Variants in TG observed in about 807,000 individuals in gnomAD.
TG encodes the protein thyroid hormones.
In TG, 270 loss-of-function variants were observed where a neutral mutation model predicts 324.7. That is an observed-to-expected ratio of 0.83 (90% confidence interval 0.75 to 0.92). TG has a LOEUF of 0.92. TG is among the 40% of genes least tolerant of loss of function. TG has a pLI of 0.00. For synonymous variants in TG, 1,401 were observed against 1,327.0 expected, an observed-to-expected ratio of 1.06 and a Z score of -1.21; for missense variants, 3,591 against 3,456.4, an observed-to-expected ratio of 1.04 and a Z score of -0.98.
chr8:132,912,724 T>G (rs2132388236), intron 19 of TG, among the ~76,000 whole-genome samples: 1 of 152,290 alleles, frequency 6.6e-6, no homozygotes, highest in East Asian at 1.9e-4. Flanking sequence ...TTGAGGTGGA[T>G]GAGTATCTGA....
At chr8:133,074,494 T>C (rs1389501956) in intron 41 of TG, among the ~76,000 whole-genome samples, 2 of 152,200 alleles carry the variant, frequency 1.3e-5, no homozygotes, top group Admixed American at 6.5e-5. Flanking sequence ...AATGAAGGTC[T>C]GGAGAGGTTT....
chr8:133,004,675 G>T (rs561503293), intron 35 of TG, among the ~76,000 whole-genome samples: 1 of 152,176 alleles, frequency 6.6e-6, no homozygotes, highest in Non-Finnish European at 1.5e-5. Context: ...GGACACACAG[G>T]ACCACCCTGT....
At chr8:133,054,915 A>G (rs1282634569) in intron 41 of TG, among the ~76,000 whole-genome samples, 1 of 152,188 alleles carries the variant, frequency 6.6e-6, no homozygotes, top group Non-Finnish European at 1.5e-5. Flanking sequence ...TGCTGAGAAC[A>G]TTCTCAGTCA....
At chr8:133,075,682 C>T (rs541427268) in intron 41 of TG, among the ~76,000 whole-genome samples, 3 of 152,286 alleles carry the variant, frequency 2.0e-5, no homozygotes, top group South Asian at 4.1e-4. Context: ...CCTATATCTA[C>T]AGCCATCATA....
In TG at chr8:132,898,829, T is replaced by G. The variant is rs763365021; in HGVS notation, c.3249T>G (p.Ser1083Arg). ...CPTTCEKSRT[S>R]GLLSSWKQAR... ...CAACCTGCGAGAAATCTCGAACCAG[T>G]GGGCTGCTTTCCAGTTGGAAACAGG... is the stretch of plus-strand genomic sequence containing the variant. Residue 1083 changes from serine (S) to arginine (R), a missense_variant, in exon 14 of 48, where the codon AGT becomes AGG. Transcript: ENST00000220616. The G allele has an allele frequency of 6.2e-7, 1 of 1,614,134 alleles. No individual in the cohort carries two copies.
chr8:132,923,251 C>A (rs1821356533), intron 21 of TG, 87 bp from the exon 22 acceptor site: 1 of 1,451,028 alleles, frequency 6.9e-7, no homozygotes, highest in Admixed American at 1.7e-5. Context: ...GACTTGGACA[C>A]CTTGTCAATG....
intron 34 of TG, among the ~76,000 whole-genome samples, chr8:132,974,965 T>C (rs2130589666): frequency 6.6e-6 from 1 of 152,360 alleles, no homozygotes; most frequent in South Asian, 2.1e-4. Context: ...CTGAATTGAC[T>C]CTATTGGCTT....
At chr8:133,112,557 AGAGAGAAGGG>A (rs996337748) in intron 43 of TG, among the ~76,000 whole-genome samples, 8 of 146,636 alleles carry the variant, frequency 5.5e-5, no homozygotes, top group African/African-American at 2.0e-4. Flanking sequence ...AGAGAGAAGG[AGAGAGAAGGG>A]GAGAGAAGGG....
At position 133,047,964 on chromosome 8, in the gene TG, C is replaced by A. The variant is rs374634120; in HGVS notation, c.7239+17941C>A. ...AAGGAGGAAGACAGCCATTAGGATC[C>A]GGAACAAGCCCTCCCCCAGGAAAGG... On this transcript the variant is annotated intron_variant, in intron 41 of 47. Coordinates refer to ENST00000220616, the MANE Select transcript of TG (RefSeq NM_003235.5). 9.0e-4 allele frequency: 1,241 copies of A among 1,374,734 alleles called. 11 individuals carry two copies. The highest frequency in any genetic ancestry group is 1.2e-3 in the Admixed American group (71 of 58,436). 85.2% of individuals were successfully genotyped at this position (1,374,734 alleles called of 1,614,324 possible). A position where few individuals can be genotyped will look rare whatever the true frequency, so the allele number is the denominator to read the frequency against.
intron 1 of TG, 104 bp from the exon 2 acceptor site, chr8:132,868,011 T>C: frequency 1.0e-6 from 1 of 998,162 alleles, no homozygotes; most frequent in South Asian, 1.3e-5. Context: ...CTGTCATAGG[T>C]AATGATGATG....
chr8:132,997,669 A>G (rs1833010447), intron 35 of TG, among the ~76,000 whole-genome samples: 1 of 152,150 alleles, frequency 6.6e-6, no homozygotes, highest in African/African-American at 2.4e-5. Flanking sequence ...TTGAAAATTT[A>G]GTGGAGTAAA....
intron 1 of TG, 52 bp downstream of exon 1, chr8:132,867,119 G>C: frequency 6.7e-7 from 1 of 1,494,846 alleles, no homozygotes; most frequent in East Asian, 2.4e-5. Context: ...TCCAGTGTCA[G>C]CCAGGCTCTG....
At chr8:132,907,048 G>C in intron 17 of TG, 148 bp downstream of exon 17, 4 of 805,664 alleles carry the variant, frequency 5.0e-6, no homozygotes, top group Non-Finnish European at 6.1e-6. Context: ...ATGGGAGAGA[G>C]TCCCATGGAG....
At chr8:132,958,357 G>GTCTATCTA (rs34949600) in intron 27 of TG, among the ~76,000 whole-genome samples, 110 of 151,334 alleles carry the variant, frequency 7.3e-4, no homozygotes, top group Middle Eastern at 3.4e-3. Flanking sequence ...CTATCTATCT[G>GTCTATCTA]TCTATCTATC....
chr8:132,882,058 T>A, intron 6 of TG, 89 bp downstream of exon 6: 3 of 958,696 alleles, frequency 3.1e-6, no homozygotes, highest in African/African-American at 1.6e-5. Flanking sequence ...AAAGCACAGC[T>A]AGAGTGACTG....
chr8:133,113,868 G>T (rs1850475762), intron 44 of TG, among the ~76,000 whole-genome samples: 1 of 152,178 alleles, frequency 6.6e-6, no homozygotes, highest in South Asian at 2.1e-4. Context: ...GGCCATGAGG[G>T]AGCTGTCGGA....
At chr8:132,916,308 G>A (rs1232238750) in intron 20 of TG, among the ~76,000 whole-genome samples, 1 of 152,212 alleles carries the variant, frequency 6.6e-6, no homozygotes, top group African/African-American at 2.4e-5. Context: ...CGAATGGTTT[G>A]TTGTGAAAAT....
chr8:133,111,479 A>T (rs535206096), intron 43 of TG, among the ~76,000 whole-genome samples: 39 of 152,250 alleles, frequency 2.6e-4, no homozygotes, highest in Non-Finnish European at 5.3e-4. Context: ...GAAATATTCC[A>T]GGCAGAAAAG....
Position 133,102,515 on chromosome 8 carries a change from C to T in TG, c.7572+6142C>T, listed in dbSNP as rs369000929. The T allele has an allele frequency of 6.3e-3, 9,799 of 1,549,560 alleles. 31 individuals carry two copies. The highest frequency in any genetic ancestry group is 7.2e-3 in the Non-Finnish European group (8,241 of 1,145,054). On this transcript the variant is annotated intron_variant, in intron 43 of 47. Transcript: ENST00000220616. Reference sequence around the variant, plus strand: ...ACCACCCCAGGCCACCTATGGCCCACCCAGGGGGTCCCAATGACAGCAAAG... The same window carrying T: ...ACCACCCCAGGCCACCTATGGCCCATCCAGGGGGTCCCAATGACAGCAAAG...
Sources: gnomAD v4.1 joint callset for allele counts (sites outside exome capture counted in the v4.1 genomes callset) on GRCh38, gnomAD v4.1.1 for gene constraint, MANE v1.5 for transcripts, NCBI Gene and HGNC (gene_info 2026-07-23, HGNC 2026-07-21) for gene names.